PAX5: variants seen among roughly 807,000 people sequenced by gnomAD.
The protein encoded by PAX5 is paired box protein Pax-5.
Under a neutral mutation model 43.7 loss-of-function variants are expected in PAX5, and 9 were observed. The observed-to-expected ratio is 0.21, with a 90% confidence interval of 0.12 to 0.36. PAX5 has a LOEUF of 0.36. Among genes scored for constraint, PAX5 ranks in the 10% least tolerant of loss-of-function variants. The pLI is 1.00. For synonymous variants in PAX5, 228 were observed against 214.3 expected, an observed-to-expected ratio of 1.06 and a Z score of -0.56; for missense variants, 383 against 532.7, an observed-to-expected ratio of 0.72 and a Z score of 2.77.
chr9:36,868,371 C>A (rs1021181820), intron 8 of PAX5, among the ~76,000 whole-genome samples: 2 of 152,242 alleles, frequency 1.3e-5, no homozygotes, highest in Non-Finnish European at 2.9e-5. Context: ...TTCCGGGCAG[C>A]CCTGACCTCA....
intron 6 of PAX5, among the ~76,000 whole-genome samples, chr9:36,950,612 C>T (rs184611120): frequency 5.4e-4 from 82 of 152,310 alleles, no homozygotes; most frequent in Non-Finnish European, 7.9e-4. Context: ...AGAGCTGCCT[C>T]TCTGTAATTT....
chr9:36,998,065 A>G (rs544376861), intron 5 of PAX5, among the ~76,000 whole-genome samples: 48 of 152,190 alleles, frequency 3.2e-4, no homozygotes, highest in Non-Finnish European at 6.5e-4. Context: ...CTACCTTTCT[A>G]AGATAAAGCT....
intron 6 of PAX5, among the ~76,000 whole-genome samples, chr9:36,956,073 A>T (rs1833451110): frequency 1.3e-5 from 2 of 152,124 alleles, no homozygotes; most frequent in Admixed American, 1.3e-4. Flanking sequence ...TTTTTTTTGA[A>T]TTGCAAATAT....
At chr9:36,933,643 G>A (rs1355950929) in intron 6 of PAX5, among the ~76,000 whole-genome samples, 1 of 152,204 alleles carries the variant, frequency 6.6e-6, no homozygotes, top group Admixed American at 6.5e-5. Flanking sequence ...AAGGGCCCTG[G>A]CCACACACCC....
chr9:36,920,136 T>A (rs1050785423), intron 7 of PAX5, among the ~76,000 whole-genome samples: 2 of 152,192 alleles, frequency 1.3e-5, no homozygotes, highest in Non-Finnish European at 2.9e-5. Flanking sequence ...TTTCTTAAGA[T>A]GAAATCTACT....
At chr9:36,990,380 G>A (rs1465866499) in intron 5 of PAX5, among the ~76,000 whole-genome samples, 1 of 152,176 alleles carries the variant, frequency 6.6e-6, no homozygotes, top group Non-Finnish European at 1.5e-5. Context: ...AACGGAAAGA[G>A]GTTTGGTATG....
At chr9:37,019,786 A>C (rs1438600560) in intron 2 of PAX5, among the ~76,000 whole-genome samples, 1 of 152,212 alleles carries the variant, frequency 6.6e-6, no homozygotes, top group Non-Finnish European at 1.5e-5. Flanking sequence ...TCACATGCCC[A>C]GAAACAAACC....
At chr9:36,862,306 C>T (rs748856926) in intron 8 of PAX5, among the ~76,000 whole-genome samples, 1 of 152,096 alleles carries the variant, frequency 6.6e-6, no homozygotes, top group African/African-American at 2.4e-5. Flanking sequence ...TGCAGGAGGA[C>T]GATGCATCCC....
At chr9:37,025,197 G>A in intron 1 of PAX5, among the ~76,000 whole-genome samples, 1 of 152,260 alleles carries the variant, frequency 6.6e-6, no homozygotes, top group Non-Finnish European at 1.5e-5. Context: ...CGCTTTGGTG[G>A]ATTACTTCAG....
intron 5 of PAX5, among the ~76,000 whole-genome samples, chr9:36,975,472 G>A (rs1324007264): frequency 2.0e-5 from 3 of 151,144 alleles, no homozygotes; most frequent in South Asian, 2.1e-4. Flanking sequence ...TGCAAGCTCC[G>A]CCTCCCGGGT....
chr9:36,974,238 G>A, intron 5 of PAX5, among the ~76,000 whole-genome samples: 1 of 152,120 alleles, frequency 6.6e-6, no homozygotes, highest in East Asian at 1.9e-4. Flanking sequence ...TTGTTCTGGG[G>A]CTATGTTAGC....
At chr9:36,889,949 G>T (rs949383353) in intron 7 of PAX5, among the ~76,000 whole-genome samples, 6 of 142,538 alleles carry the variant, frequency 4.2e-5, no homozygotes, top group Admixed American at 2.8e-4. Context: ...AACGGGGGGG[G>T]GGGGAATGTG....
chr9:37,002,900 G>T, intron 4 of PAX5, 124 bp from the exon 5 acceptor site: 1 of 1,232,042 alleles, frequency 8.1e-7, no homozygotes, highest in Non-Finnish European at 1.1e-6. Flanking sequence ...GGGGCGCTGA[G>T]GACCCTCGCT....
intron 7 of PAX5, among the ~76,000 whole-genome samples, chr9:36,903,696 C>T (rs916145647): frequency 2.0e-5 from 3 of 152,238 alleles, no homozygotes. Context: ...AAGGCCTGGT[C>T]AGGCTGCATG....
intron 8 of PAX5, among the ~76,000 whole-genome samples, chr9:36,851,713 G>C (rs1036423953): frequency 2.6e-5 from 4 of 152,208 alleles, no homozygotes; most frequent in Non-Finnish European, 4.4e-5. Context: ...GCCAGAGGAG[G>C]CAACTGCATG....
intron 5 of PAX5, among the ~76,000 whole-genome samples, chr9:37,001,212 A>G (rs962871423): frequency 5.9e-5 from 9 of 152,238 alleles, no homozygotes; most frequent in Non-Finnish European, 8.8e-5. Context: ...TAATGCCCCC[A>G]GGCCAGAACC....
intron 3 of PAX5, among the ~76,000 whole-genome samples, chr9:37,013,708 G>C (rs538488189): frequency 4.7e-4 from 72 of 152,220 alleles, no homozygotes; most frequent in African/African-American, 1.7e-3. Flanking sequence ...ACCCCACCCT[G>C]GACAAAGAGC....
intron 7 of PAX5, among the ~76,000 whole-genome samples, chr9:36,915,804 G>A (rs1829689032): frequency 1.3e-5 from 2 of 152,148 alleles, no homozygotes; most frequent in South Asian, 4.1e-4. Context: ...AGGCACAGTT[G>A]CTCACTTCTG....
chr9:36,871,980 A>G (rs1428155287), intron 8 of PAX5, among the ~76,000 whole-genome samples: 1 of 152,184 alleles, frequency 6.6e-6, no homozygotes, highest in Non-Finnish European at 1.5e-5. Context: ...CTCTCTCCCC[A>G]TCTCCATGCT....
Sources: gnomAD v4.1 joint callset for allele counts (sites outside exome capture counted in the v4.1 genomes callset) on GRCh38, gnomAD v4.1.1 for gene constraint, MANE v1.5 for transcripts, NCBI Gene and HGNC (gene_info 2026-07-23, HGNC 2026-07-21) for gene names.